Variants in PRPF18 observed in about 807,000 individuals in gnomAD.
PRPF18 encodes pre-mRNA-splicing factor 18.
PRPF18 carries 38 observed loss-of-function variants against 46.5 expected under a neutral mutation model. The ratio of observed to expected loss-of-function variants is 0.82; its 90% CI spans 0.63 to 1.07. The LOEUF is 1.07. PRPF18 is among the 50% of genes least tolerant of loss of function. PRPF18 has a pLI of 0.00. For missense variants in PRPF18, 263 were observed against 410.0 expected (o/e 0.64, Z 3.10); for synonymous variants, 152 against 146.7 (o/e 1.04, Z -0.26).
At chr10:13,627,988 A>G (rs1471587977) in intron 9 of PRPF18, among the ~76,000 whole-genome samples, 1 of 147,352 alleles carries the variant, frequency 6.8e-6, no homozygotes, top group East Asian at 2.3e-4. Flanking sequence ...TTAAGATGCC[A>G]AATTAGTGCT....
chr10:13,622,450 G>A (rs2080433882), intron 9 of PRPF18, among the ~76,000 whole-genome samples: 1 of 152,150 alleles, frequency 6.6e-6, no homozygotes, highest in Admixed American at 6.5e-5. Flanking sequence ...TGGAAAAAAA[G>A]CCAGACCAGT....
At chr10:13,609,527 A>G (rs562160366) in intron 4 of PRPF18, among the ~76,000 whole-genome samples, 2 of 152,218 alleles carry the variant, frequency 1.3e-5, no homozygotes, top group South Asian at 2.1e-4. Context: ...TTAAAGGGTC[A>G]TGAACCATAT....
chr10:13,587,175 G>A (rs769430970), intron 1 of PRPF18, 23 bp downstream of exon 1: 11 of 1,603,638 alleles, frequency 6.9e-6, no homozygotes, highest in Non-Finnish European at 9.4e-6. Flanking sequence ...CGGTCGTGGG[G>A]GTCGGGATGT....
At chr10:13,630,171 A>G (rs1231924400) in intron 9 of PRPF18, 89 bp from the exon 10 acceptor site, 6 of 1,105,122 alleles carry the variant, frequency 5.4e-6, no homozygotes, top group South Asian at 2.6e-5. Flanking sequence ...TTATGGGGAC[A>G]TTGACAAACT....
At position 13,586,981 on chromosome 10, in the gene PRPF18, T is replaced by G; in HGVS notation, c.-106T>G. ...GCTCCTGTCAGTTGTTCTCAGGTGT[T>G]TGGGCTTGTTGTTCCGTATACTCAG... On this transcript the variant is annotated 5_prime_UTR_variant, in exon 1 of 10. Coordinates refer to ENST00000378572, the MANE Select transcript of PRPF18 (RefSeq NM_003675.4). 8.6e-7 allele frequency: 1 copy of G among 1,158,512 alleles called. No individual in the cohort carries two copies. The highest frequency in any genetic ancestry group is 1.3e-6 in the Non-Finnish European group (1 of 767,976). 71.8% of individuals were successfully genotyped at this position (1,158,512 alleles called of 1,614,324 possible).
intron 9 of PRPF18, among the ~76,000 whole-genome samples, chr10:13,618,453 C>T (rs1329836795): frequency 6.6e-6 from 1 of 151,392 alleles, no homozygotes; most frequent in Non-Finnish European, 1.5e-5. Flanking sequence ...CATAGCGAGA[C>T]CCCATTTCTA....
At chr10:13,624,264 C>T (rs1287525820) in intron 9 of PRPF18, among the ~76,000 whole-genome samples, 1 of 152,236 alleles carries the variant, frequency 6.6e-6, no homozygotes, top group African/African-American at 2.4e-5. Flanking sequence ...AGGCGTGAGC[C>T]ACCGCAGCTG....
chr10:13,632,362 CAGTT>C (rs764937243), downstream of PRPF18, among the ~76,000 whole-genome samples: 9 of 152,034 alleles, frequency 5.9e-5, no homozygotes, highest in South Asian at 4.1e-4. Context: ...AAAAAAAAAT[CAGTT>C]AGAGCTTAGT....
intron 3 of PRPF18, among the ~76,000 whole-genome samples, chr10:13,604,240 G>T (rs1362904692): frequency 1.3e-5 from 2 of 152,068 alleles, no homozygotes; most frequent in African/African-American, 4.8e-5. Flanking sequence ...ATGGATTTTA[G>T]GTGTGATGCT....
chr10:13,604,713 C>T (rs1244314832), intron 3 of PRPF18, among the ~76,000 whole-genome samples: 1 of 152,154 alleles, frequency 6.6e-6, no homozygotes, highest in South Asian at 2.1e-4. Context: ...AGCTAAACGA[C>T]CTAAACTTTA....
chr10:13,616,616 T>G, intron 9 of PRPF18, 63 bp downstream of exon 9: 1 of 1,575,846 alleles, frequency 6.3e-7, no homozygotes, highest in South Asian at 1.1e-5. Flanking sequence ...CCCAAAACTC[T>G]AAGTCTGGAA....
chr10:13,613,985 C>T (rs1230907531), intron 7 of PRPF18, 30 bp from the exon 8 acceptor site: 2 of 1,550,918 alleles, frequency 1.3e-6, no homozygotes, highest in South Asian at 1.2e-5. Flanking sequence ...TACATAGTAG[C>T]TTCCAAAATT....
intron 4 of PRPF18, among the ~76,000 whole-genome samples, chr10:13,606,486 C>CA (rs1349926687): frequency 1.3e-5 from 2 of 152,186 alleles, no homozygotes. Flanking sequence ...CCTGTAATCC[C>CA]AGCACTTTGG....
intron 4 of PRPF18, among the ~76,000 whole-genome samples, chr10:13,608,299 T>G (rs1025663588): frequency 3.3e-5 from 5 of 152,242 alleles, no homozygotes; most frequent in African/African-American, 1.2e-4. Context: ...TGGACTGGTC[T>G]TCTAAGCTGA....
chr10:13,592,362 T>G, intron 1 of PRPF18: 1 of 269,256 alleles, frequency 3.7e-6, no homozygotes, highest in Non-Finnish European at 7.1e-6. Flanking sequence ...TTGTTTTAAT[T>G]TTTTAGAAAA....
Position 13,610,173 on chromosome 10 carries a change from T to G in PRPF18, c.498T>G (p.Ile166Met). 6.2e-7 allele frequency: 1 copy of G among 1,613,960 alleles called. No homozygotes were observed. Among genetic ancestry groups the G allele is most frequent in the East Asian group, 2.2e-5 (1 of 44,882 alleles). The change falls in exon 5 of 10, where the codon ATT becomes ATG. Residue 166 changes from isoleucine to methionine, a missense_variant. Physicochemically the swap from Ile to Met is conservative, Grantham distance 10. Coordinates refer to ENST00000378572, the MANE Select transcript of PRPF18 (RefSeq NM_003675.4). ...DLKVHEENTT[I>M]EELEALGESL... is the part of the protein sequence containing the mutation. ...AAGTTCATGAGGAAAACACCACAAT[T>G]GAAGAGTTAGAGGTAATCTCTACAC...
the PRPF18 span, chr10:13,638,731 C>T: frequency 6.6e-6 from 1 of 152,138 alleles, no homozygotes; most frequent in African/African-American, 2.4e-5. Context: ...TGCCCGTATG[C>T]ACTGAGAAGG....
chr10:13,592,085 A>T, intron 1 of PRPF18: 1 of 582,678 alleles, frequency 1.7e-6, no homozygotes. Flanking sequence ...TTTTCTTTTC[A>T]ACCTCGTACT....
intron 9 of PRPF18, among the ~76,000 whole-genome samples, chr10:13,625,267 A>G (rs2133999181): frequency 6.6e-6 from 1 of 152,306 alleles, no homozygotes; most frequent in African/African-American, 2.4e-5. Context: ...GCAGTGAGCT[A>G]GGATCGTGCC....
Sources: gnomAD v4.1 joint callset for allele counts (sites outside exome capture counted in the v4.1 genomes callset) on GRCh38, gnomAD v4.1.1 for gene constraint, MANE v1.5 for transcripts, NCBI Gene and HGNC (gene_info 2026-07-23, HGNC 2026-07-21) for gene names.